Variants in IL17RE observed in about 807,000 individuals in gnomAD.
The protein encoded by IL17RE is interleukin-17 receptor E.
IL17RE carries 47 observed loss-of-function variants against 70.7 expected under a neutral mutation model. The observed-to-expected ratio is 0.67, with a 90% confidence interval of 0.53 to 0.85. IL17RE has a LOEUF of 0.85. IL17RE is among the 40% of genes least tolerant of loss of function. The probability of loss-of-function intolerance (pLI) is 0.00; values close to 1 mark genes in which losing one functional copy is unlikely to be tolerated. For missense variants in IL17RE, 850 were observed against 893.9 expected (o/e 0.95, Z 0.63); for synonymous variants, 372 against 381.2 (o/e 0.98, Z 0.28).
rs1383710044 is a variant in IL17RE at position 9,909,237 on chromosome 3, C to T, written c.756C>T (p.Asp252=). The change falls in exon 8 of 16, where the codon GAC becomes GAT. Residue 252 remains aspartate (D), a synonymous_variant. Transcript: ENST00000383814. ...LCIEASYLQE[D]TVRRKKCPFQ... ...TCCAGGCATCCTACCTGCAAGAGGA[C>T]ACTGTGAGGCGCAAAAAATGTCCCT... 6.2e-7 allele frequency: 1 copy of T among 1,614,054 alleles called. No homozygotes were observed. The highest frequency in any genetic ancestry group is 1.1e-5 in the South Asian group (1 of 91,030).
In IL17RE at chr3:9,911,667, G is replaced by A. The variant is rs901740592; in HGVS notation, c.1227+70G>A. On this transcript the variant is annotated intron_variant, in intron 12 of 15. Transcript: ENST00000383814. ...CTCAATTTCCTTGTGACCTCATTGAGATAGACCCTGGGAAGGCAGAAACAA... is the reference window on the plus strand; with the variant it reads ...CTCAATTTCCTTGTGACCTCATTGAAATAGACCCTGGGAAGGCAGAAACAA... 3 of 1,417,796 alleles carry A rather than the reference G, an allele frequency of 2.1e-6. No individual in the cohort carries two copies. In the African/African-American group the frequency reaches 4.3e-5, roughly 20 times the overall value. 87.8% of individuals were successfully genotyped at this position (1,417,796 alleles called of 1,614,324 possible).
chr3:9,913,337 G>C (rs1478945742), intron 12 of IL17RE, among the ~76,000 whole-genome samples: 2 of 151,988 alleles, frequency 1.3e-5, no homozygotes, highest in African/African-American at 4.8e-5. Context: ...CCAGGAGGTG[G>C]AGGTTGCAGT....
chr3:9,911,714 T>A, intron 12 of IL17RE, 117 bp downstream of exon 12: 1 of 996,760 alleles, frequency 1.0e-6, no homozygotes, highest in Admixed American at 2.4e-5. Flanking sequence ...ACTTTTACCA[T>A]CTGGTTTACT....
chr3:9,914,471 C>A (rs2125094701), intron 13 of IL17RE, 77 bp from the exon 14 acceptor site: 1 of 1,592,542 alleles, frequency 6.3e-7, no homozygotes, highest in South Asian at 1.1e-5. Context: ...CCCCTCTCCC[C>A]CAGCTCCATG....
In IL17RE at chr3:9,915,679, C is replaced by T; in HGVS notation, c.1876C>T (p.Leu626=). The T allele has an allele frequency of 7.2e-7, 1 of 1,389,658 alleles. No homozygotes were observed. Among genetic ancestry groups the T allele is most frequent in the African/African-American group, 1.5e-5 (1 of 66,016 alleles). 86.1% of individuals were successfully genotyped at this position (1,389,658 alleles called of 1,614,324 possible). Residue 626 remains leucine, a synonymous_variant, in exon 16 of 16, where the codon CTG becomes TTG. Transcript: ENST00000383814. The surrounding 1 kb of genome is among the most constrained non-coding windows in gnomAD (Gnocchi z 4.9). The part of the protein sequence containing the change: ...LRDLPRLLRA[L]DARPFAEATS... ...CGACCTGCCGCGTCTGCTGCGGGCG[C>T]TGGACGCGCGGCCTTTCGCAGAGGC...
intron 4 of IL17RE, 84 bp downstream of exon 4, chr3:9,906,545 GAGACA>G: frequency 7.2e-7 from 1 of 1,379,822 alleles, no homozygotes; most frequent in Non-Finnish European, 1.0e-6. Context: ...CCAGCCATGT[GAGACA>G]GAAAGTGTGG....
intron 7 of IL17RE, among the ~76,000 whole-genome samples, chr3:9,908,888 C>G (rs1009394302): frequency 6.6e-6 from 1 of 152,180 alleles, no homozygotes; most frequent in Admixed American, 6.5e-5. Context: ...GGAGCCAACA[C>G]AGAGCACTGG....
chr3:9,912,811 A>G (rs2082924052), intron 12 of IL17RE, among the ~76,000 whole-genome samples: 2 of 152,294 alleles, frequency 1.3e-5, no homozygotes, highest in Admixed American at 1.3e-4. Flanking sequence ...CAAGGCTGCA[A>G]TGAGCTATGA....
intron 8 of IL17RE, 49 bp downstream of exon 8, chr3:9,909,332 TTC>T: frequency 1.4e-6 from 2 of 1,450,522 alleles, no homozygotes; most frequent in Middle Eastern, 1.7e-4. Flanking sequence ...CCCTTTCTCT[TTC>T]TGTCTCCTAC....
chr3:9,916,079 A>G lies in IL17RE; in HGVS notation c.*272A>G, dbSNP rs553453111. The stretch of plus-strand genomic sequence containing the variant: ...TCCCACTTCCTCTCCAGAACTCCAG[A>G]AAGAGCAGTGTGCTTATGCTTCAGT... On this transcript the variant is annotated 3_prime_UTR_variant, in exon 16 of 16. Transcript: ENST00000383814. The G allele has an allele frequency of 2.9e-4, 121 of 417,446 alleles. 2 individuals are homozygous for G. The South Asian group carries it at 4.8e-3, about 16-fold the overall frequency. 25.9% of individuals were successfully genotyped at this position (417,446 alleles called of 1,614,324 possible).
intron 12 of IL17RE, among the ~76,000 whole-genome samples, chr3:9,912,878 T>A (rs1477968532): frequency 6.6e-6 from 1 of 151,930 alleles, no homozygotes; most frequent in South Asian, 2.1e-4. Context: ...CTAAAAAAAA[T>A]GTTTTTAATT....
chr3:9,915,613 CCCCCGCCGCTGCGCG>C lies in IL17RE; in HGVS notation c.1814_1828del (p.Pro605_Ala609del). 7.1e-7 allele frequency: 1 copy of C among 1,417,274 alleles called. No individual in the cohort carries two copies. Among genetic ancestry groups the C allele is most frequent in the Non-Finnish European group, 9.2e-7 (1 of 1,089,130 alleles). 87.8% of individuals were successfully genotyped at this position (1,417,274 alleles called of 1,614,324 possible). On this transcript the variant is annotated inframe_deletion, in exon 16 of 16. Coordinates refer to ENST00000383814, the MANE Select transcript of IL17RE (RefSeq NM_153480.2). This position sits in a 1 kb window ranked among gnomAD's most constrained non-coding sequence, Gnocchi z 4.9. ...TCGCCTCTGCGCCAAGGGCGACATC[CCCCCGCCGCTGCGCG>C]CCCTGCCGCGCTACCGCCTGCTGCG...
At chr3:9,908,516 G>A (rs1243927271) in intron 7 of IL17RE, among the ~76,000 whole-genome samples, 2 of 152,210 alleles carry the variant, frequency 1.3e-5, no homozygotes, top group African/African-American at 2.4e-5. Context: ...TTCTTAGGGT[G>A]ATTCCAACCT....
intron 6 of IL17RE, among the ~76,000 whole-genome samples, chr3:9,907,407 TA>T (rs201084334): frequency 0.035 from 5,328 of 151,422 alleles, 306 homozygotes; most frequent in African/African-American, 0.12. Flanking sequence ...ATTAATTAAT[TA>T]AATTAAATTT....
At chr3:9,914,391 T>C (rs2082961360) in intron 13 of IL17RE, 157 bp from the exon 14 acceptor site, 8 of 1,502,924 alleles carry the variant, frequency 5.3e-6, no homozygotes, top group Non-Finnish European at 7.0e-6. Context: ...CATTGACCTG[T>C]TCTGTGCCAG....
At position 9,915,900 on chromosome 3, in the gene IL17RE, G is replaced by A; in HGVS notation, c.*93G>A. ...ATGAGCCTTCGACCCTGAAATCCTT[G>A]GGGTGCCTCGAGGACGACTGGCCGA... On this transcript the variant is annotated 3_prime_UTR_variant, in exon 16 of 16. Coordinates refer to ENST00000383814, the MANE Select transcript of IL17RE (RefSeq NM_153480.2). This position sits in a 1 kb window ranked among gnomAD's most constrained non-coding sequence, Gnocchi z 4.9. The A allele has an allele frequency of 7.3e-7, 1 of 1,372,416 alleles. No individual in the cohort carries two copies. Among genetic ancestry groups the A allele is most frequent in the Non-Finnish European group, 9.4e-7 (1 of 1,065,596 alleles). The allele number at this position is 1,372,416 out of a possible 1,614,324, so 85.0% of individuals were successfully genotyped here. A position where few individuals can be genotyped will look rare whatever the true frequency, so the allele number is the denominator to read the frequency against.
chr3:9,906,833 G>C lies in IL17RE; in HGVS notation c.494G>C (p.Ser165Thr), dbSNP rs780247234. ...TQPSDPETWE[S>T]LPRLDSQRHG... ...CCTTCGGATCCAGAGACATGGGAAA[G>C]TCTTCCCAGATTGGACTCACAAAGG... is the stretch of plus-strand genomic sequence containing the variant. Residue 165 changes from serine (S) to threonine (T), a missense_variant, in exon 5 of 16, where the codon AGT becomes ACT. By Grantham distance (58) the Ser-to-Thr change is moderately conservative. Coordinates refer to ENST00000383814, the MANE Select transcript of IL17RE (RefSeq NM_153480.2). 28 of 1,614,100 alleles carry C rather than the reference G, an allele frequency of 1.7e-5. No homozygotes were observed. The highest frequency in any genetic ancestry group is 2.4e-5 in the Non-Finnish European group (28 of 1,180,040).
At position 9,911,236 on chromosome 3, in the gene IL17RE, C is replaced by A. The variant is rs749824330; in HGVS notation, c.1027-19C>A. On this transcript the variant is annotated intron_variant, in intron 10 of 15. Coordinates refer to ENST00000383814, the MANE Select transcript of IL17RE (RefSeq NM_153480.2). ...GTATTGCCTGGAGCTTGCTAATCTGCCATTCCTGTATTTCTCAGTTCTCTT... is the reference window on the plus strand; with the variant it reads ...GTATTGCCTGGAGCTTGCTAATCTGACATTCCTGTATTTCTCAGTTCTCTT... The A allele has an allele frequency of 6.2e-7, 1 of 1,614,154 alleles. No homozygotes were observed. The highest frequency in any genetic ancestry group is 8.5e-7 in the Non-Finnish European group (1 of 1,180,004).
intron 4 of IL17RE, 111 bp from the exon 5 acceptor site, chr3:9,906,595 G>A: frequency 7.1e-7 from 1 of 1,405,988 alleles, no homozygotes; most frequent in Middle Eastern, 2.3e-4. Context: ...CAGCTAGGGA[G>A]GCCAAAAGAG....
Sources: allele counts gnomAD v4.1 joint callset (sites outside exome capture counted in the v4.1 genomes callset), GRCh38; gene constraint gnomAD v4.1.1; non-coding constraint Gnocchi (gnomAD v3.1); transcripts MANE v1.5; gene names NCBI Gene and HGNC (gene_info 2026-07-23, HGNC 2026-07-21).